ESR1: variants seen among roughly 807,000 people sequenced by gnomAD.
ESR1 encodes estrogen receptor.
Under a neutral mutation model 52.7 loss-of-function variants are expected in ESR1, and 12 were observed. That is an observed-to-expected ratio of 0.23 (90% CI 0.15 to 0.37). ESR1 has a LOEUF of 0.37. Among genes scored for constraint, ESR1 ranks in the 10% least tolerant of loss-of-function variants. The pLI, the probability that ESR1 is intolerant of heterozygous loss-of-function variation, is 1.00. For synonymous variants in ESR1, 305 were observed against 316.8 expected, an observed-to-expected ratio of 0.96 and a Z score of 0.39; for missense variants, 584 against 779.7, an observed-to-expected ratio of 0.75 and a Z score of 2.99.
intron 3 of ESR1, among the ~76,000 whole-genome samples, chr6:151,932,475 A>AT (rs1338623252): frequency 7.7e-6 from 1 of 129,650 alleles, no homozygotes; most frequent in Non-Finnish European, 1.6e-5. Context: ...CCATTTGTCA[A>AT]TTTTGGCTTT....
intron 1 of ESR1, among the ~76,000 whole-genome samples, chr6:151,821,679 A>G (rs1158328874): frequency 6.6e-6 from 1 of 152,154 alleles, no homozygotes; most frequent in East Asian, 1.9e-4. Context: ...TTCATTATAG[A>G]TATTTCACTT....
At chr6:151,889,466 CTT>C (rs1794378378) in intron 3 of ESR1, among the ~76,000 whole-genome samples, 1 of 152,210 alleles carries the variant, frequency 6.6e-6, no homozygotes, top group Admixed American at 6.5e-5. Context: ...TCATAGTACT[CTT>C]ATAATTTTTT....
At chr6:151,984,387 A>C (rs2040258300) in intron 4 of ESR1, among the ~76,000 whole-genome samples, 1 of 152,138 alleles carries the variant, frequency 6.6e-6, no homozygotes, top group Non-Finnish European at 1.5e-5. Flanking sequence ...ATGAGGAAAT[A>C]ATGTAAGCAG....
In ESR1 at chr6:151,875,050, T is replaced by C. The variant is rs896423641; in HGVS notation, c.644-5605T>C. On this transcript the variant is annotated intron_variant, in intron 2 of 7. Transcript: ENST00000206249. Reference sequence around the variant, plus strand: ...AACAAGCTTTGGAATAATTTGAATATGTTGATTTTTCTTTGGGGCAATCAT... The same window carrying C: ...AACAAGCTTTGGAATAATTTGAATACGTTGATTTTTCTTTGGGGCAATCAT... 3.9e-5 allele frequency among the ~76,000 whole-genome samples: 6 copies of C among 152,366 alleles called. No individual in the cohort carries two copies. In the East Asian group the frequency reaches 5.8e-4, roughly 15 times the overall value.
intron 4 of ESR1, among the ~76,000 whole-genome samples, chr6:151,965,660 A>AAT (rs2128614938): frequency 6.6e-6 from 1 of 152,194 alleles, no homozygotes; most frequent in South Asian, 2.1e-4. Flanking sequence ...ATACCTATAT[A>AAT]ATATACCTAT....
chr6:151,758,828 T>G (rs1486008244), intron 2 of ESR1, among the ~76,000 whole-genome samples: 2 of 150,530 alleles, frequency 1.3e-5, no homozygotes, highest in Non-Finnish European at 3.0e-5. Context: ...TCACCCAGGG[T>G]CTCACACTGA....
chr6:151,706,358 A>G (rs958654293), intron 2 of ESR1, among the ~76,000 whole-genome samples: 1 of 152,208 alleles, frequency 6.6e-6, no homozygotes, highest in East Asian at 1.9e-4. Context: ...GGAGAGATTG[A>G]CTAGTGGGCT....
chr6:152,038,880 C>T (rs1313652532), intron 5 of ESR1, among the ~76,000 whole-genome samples: 4 of 152,138 alleles, frequency 2.6e-5, no homozygotes, highest in Admixed American at 6.5e-5. Flanking sequence ...CCACCCACCT[C>T]GGCCTCCCAA....
rs544336165 is a variant in ESR1, at chr6:151,856,112, G to A, written c.643+13325G>A. Among the ~76,000 whole-genome samples the A allele has an allele frequency of 6.0e-4, 91 of 152,278 alleles. 1 individual carries two copies. Among genetic ancestry groups the A allele is most frequent in the Non-Finnish European group, 1.2e-3 (83 of 68,016 alleles). On this transcript the variant is annotated intron_variant, in intron 2 of 7. Coordinates refer to ENST00000206249, the MANE Select transcript of ESR1 (RefSeq NM_000125.4). ...GCATCCAGAGATTGAATAATATTTT[G>A]TTTCTAGGATGTGAGTGATGTACTA...
At chr6:152,121,722 A>C (rs1403988912) in intron 6 of ESR1, 1 of 152,616 alleles carries the variant, frequency 6.6e-6, no homozygotes, top group Non-Finnish European at 1.5e-5. Context: ...CAAAGAAATC[A>C]ATACAAACAA....
chr6:152,025,506 G>C (rs939425572), intron 5 of ESR1, among the ~76,000 whole-genome samples: 1 of 151,606 alleles, frequency 6.6e-6, no homozygotes, highest in African/African-American at 2.4e-5. Context: ...TTTCTTCTTG[G>C]TATTCCAATT....
At chr6:151,798,721 A>G (rs1776944948) in intron 2 of ESR1, among the ~76,000 whole-genome samples, 1 of 152,206 alleles carries the variant, frequency 6.6e-6, no homozygotes, top group African/African-American at 2.4e-5. Context: ...AAATAAAACA[A>G]GTAGGGTTTT....
chr6:151,826,817 A>G (rs1384515527), intron 1 of ESR1, among the ~76,000 whole-genome samples: 2 of 152,208 alleles, frequency 1.3e-5, no homozygotes, highest in Non-Finnish European at 2.9e-5. Flanking sequence ...TGAACTATTG[A>G]TCTATTTGTC....
At chr6:152,113,574 TTGTGTGTG>T (rs149373494) in intron 6 of ESR1, among the ~76,000 whole-genome samples, 3 of 149,316 alleles carry the variant, frequency 2.0e-5, no homozygotes, top group South Asian at 2.1e-4. Flanking sequence ...AGATCTCATA[TTGTGTGTG>T]TGTGTGTGTG....
Position 151,723,635 on chromosome 6 carries a change from G to A in ESR1, c.-71+21630G>A, listed in dbSNP as rs9371550. On this transcript the variant is annotated intron_variant, in intron 2 of 2. Transcript: ENST00000404742. Reference sequence around the variant, plus strand: ...TGTAATCCCAGCACTTTGGGAGGCCGAGGTGGTCGGATCACCTGAGGTCAG... The same window carrying A: ...TGTAATCCCAGCACTTTGGGAGGCCAAGGTGGTCGGATCACCTGAGGTCAG... 8.5e-5 allele frequency among the ~76,000 whole-genome samples: 13 copies of A among 152,294 alleles called. No homozygotes were observed. The East Asian group carries it at 1.7e-3, about 20-fold the overall frequency.
intron 2 of ESR1, among the ~76,000 whole-genome samples, chr6:151,703,067 G>T (rs1413246780): frequency 1.3e-5 from 2 of 152,180 alleles, no homozygotes; most frequent in East Asian, 3.9e-4. Context: ...CAATCAGCTT[G>T]AGATGCCAGT....
Position 151,727,993 on chromosome 6 carries a change from T to G in ESR1, c.-71+25988T>G, listed in dbSNP as rs762157240. Among the ~76,000 whole-genome samples the G allele has an allele frequency of 1.2e-3, 181 of 152,324 alleles. 3 individuals are homozygous for G. The highest frequency in any genetic ancestry group is 3.8e-3 in the African/African-American group (156 of 41,580). On this transcript the variant is annotated intron_variant, in intron 2 of 2. Transcript: ENST00000404742. Reference sequence around the variant, plus strand: ...TCTTCATAGCAGCGTGAAAATTAACTAATACAGCAACCATGGCAGGGGAAG... The same window carrying G: ...TCTTCATAGCAGCGTGAAAATTAACGAATACAGCAACCATGGCAGGGGAAG...
In ESR1 at chr6:151,849,998, AT is replaced by A. The variant is rs1562473760; in HGVS notation, c.643+7212del. ...GGGAATTATATATATATATATATAT[AT>A]ATATATAATTTTGTATATATATACA... On this transcript the variant is annotated intron_variant, in intron 2 of 7. Coordinates refer to ENST00000206249, the MANE Select transcript of ESR1 (RefSeq NM_000125.4). Among the ~76,000 whole-genome samples the A allele has an allele frequency of 6.4e-4, 56 of 87,934 alleles. 2 individuals are homozygous for A. Among genetic ancestry groups the A allele is most frequent in the East Asian group, 6.3e-3 (22 of 3,484 alleles). 57.7% of individuals were successfully genotyped at this position (87,934 alleles called of 152,430 possible).
chr6:151,957,324 A>G (rs551421999), intron 4 of ESR1, among the ~76,000 whole-genome samples: 21 of 152,306 alleles, frequency 1.4e-4, no homozygotes, highest in African/African-American at 4.3e-4. Context: ...TAATTTTTTA[A>G]GACTATTACA....
Sources: gnomAD v4.1 joint callset for allele counts (sites outside exome capture counted in the v4.1 genomes callset) on GRCh38, gnomAD v4.1.1 for gene constraint, MANE v1.5 for transcripts, NCBI Gene and HGNC (gene_info 2026-07-23, HGNC 2026-07-21) for gene names.